Variants in DBH observed in about 807,000 individuals in gnomAD.
The protein encoded by DBH is dopamine beta-hydroxylase (dopamine beta-monooxygenase).
A neutral mutation model predicts 64.0 loss-of-function variants in DBH; 49 were observed. The ratio of observed to expected loss-of-function variants is 0.77; its 90% CI spans 0.61 to 0.97. The LOEUF (loss-of-function observed/expected upper bound fraction) is 0.97, where lower values mean the gene tolerates loss of function less well. Ranked by LOEUF, DBH falls within the 50% of genes least tolerant of loss-of-function variation. The probability of loss-of-function intolerance (pLI) is 0.00; values close to 1 mark genes in which losing one functional copy is unlikely to be tolerated. For synonymous variants in DBH, 343 were observed against 347.1 expected, an observed-to-expected ratio of 0.99 and a Z score of 0.13; for missense variants, 828 against 826.6, an observed-to-expected ratio of 1.00 and a Z score of -0.02.
At chr9:133,657,418 GAGAGAGGAGAGAGAGGA>G (rs1832340531) in intron 11 of DBH, 189 bp downstream of exon 11, 17 of 331,368 alleles carry the variant, frequency 5.1e-5, no homozygotes, top group African/African-American at 1.6e-4. Flanking sequence ...GGAGAGAGGA[GAGAGAGGAGAGAGAGGA>G]GAGAGAGGAG....
chr9:133,639,782 C>CTT, intron 1 of DBH, 64 bp from the exon 2 acceptor site: 1 of 1,545,214 alleles, frequency 6.5e-7, no homozygotes, highest in Non-Finnish European at 8.8e-7. Flanking sequence ...GGAATGCCCT[C>CTT]TTCCCCTGTG....
intron 5 of DBH, among the ~76,000 whole-genome samples, chr9:133,644,777 G>T (rs1832162040): frequency 6.6e-6 from 1 of 152,218 alleles, no homozygotes; most frequent in Non-Finnish European, 1.5e-5. Context: ...ACGGGAAGGG[G>T]AGCTGGGGCA....
At position 133,657,175 on chromosome 9, in the gene DBH, C is replaced by G. The variant is rs770808990; in HGVS notation, c.1668C>G (p.Tyr556Ter). Residue 556 changes from tyrosine to a stop codon, truncating the protein, a stop_gained, in exon 11 of 12, where the codon TAC becomes TAG. Transcript: ENST00000393056. LOFTEE classifies it high-confidence loss of function. ...ACCGCGACGTACTGAAGGCCCTGTA[C>G]AGCTTCGCGCCCATCTCCATGCACT... ...SFNRDVLKAL[Y>*]SFAPISMHCN... 6.2e-7 allele frequency: 1 copy of G among 1,614,164 alleles called. No individual in the cohort carries two copies. Among genetic ancestry groups the G allele is most frequent in the Admixed American group, 1.7e-5 (1 of 60,024 alleles).
chr9:133,636,466 T>C lies in DBH; in HGVS notation c.95T>C (p.Ile32Thr). The C allele has an allele frequency of 1.9e-6, 3 of 1,612,932 alleles. No homozygotes were observed. The highest frequency in any genetic ancestry group is 2.5e-6 in the Non-Finnish European group (3 of 1,179,722). Residue 32 changes from isoleucine to threonine, a missense_variant, in exon 1 of 12, where the codon ATC becomes ACC. Coordinates refer to ENST00000393056, the MANE Select transcript of DBH (RefSeq NM_000787.4). ...ACAGCAGTGGCCATCTTCCTGGTCA[T>C]CCTGGTGGCCGCACTGCAGGGCTCG... Reference protein sequence around the residue: ...YSTAVAIFLVILVAALQGSAP... With the variant: ...YSTAVAIFLVTLVAALQGSAP...
rs933056089 is a variant in DBH at position 133,643,731 on chromosome 9, C to A, written c.921+142C>A. The A allele has an allele frequency of 1.1e-6, 1 of 872,070 alleles. No homozygotes were observed. The highest frequency in any genetic ancestry group is 1.8e-6 in the Non-Finnish European group (1 of 570,410). The allele number at this position is 872,070 out of a possible 1,614,324, so 54.0% of individuals were successfully genotyped here. A position where few individuals can be genotyped will look rare whatever the true frequency, so the allele number is the denominator to read the frequency against. The stretch of plus-strand genomic sequence containing the variant: ...TCACGAGGCCACCAGAAGGGCCAGG[C>A]CTGAGGTGGCCCCCTCGCCTCTGTG... On this transcript the variant is annotated intron_variant, in intron 4 of 11. Coordinates refer to ENST00000393056, the MANE Select transcript of DBH (RefSeq NM_000787.4). The surrounding 1 kb of genome is among the most constrained non-coding windows in gnomAD (Gnocchi z 5.3).
intron 5 of DBH, among the ~76,000 whole-genome samples, chr9:133,646,614 C>T (rs1041741292): frequency 6.6e-6 from 1 of 152,198 alleles, no homozygotes; most frequent in Admixed American, 6.5e-5. Context: ...ACCTCCGCCT[C>T]CCAGGTTCAA....
At chr9:133,639,643 C>T (rs912261777) in intron 1 of DBH, among the ~76,000 whole-genome samples, 1 of 152,244 alleles carries the variant, frequency 6.6e-6, no homozygotes, top group African/African-American at 2.4e-5. Context: ...CTCATCTCCA[C>T]TGTCTCCAGG....
intron 11 of DBH, chr9:133,657,442 GGAGAGAGAGGAGAGAGGGAGAGGGA>G: frequency 2.0e-6 from 1 of 506,896 alleles, no homozygotes; most frequent in South Asian, 2.1e-5. Context: ...AGGAGAGAGA[GGAGAGAGAGGAGAGAGGGAGAGGGA>G]GAGAGGGAGA....
intron 2 of DBH, among the ~76,000 whole-genome samples, chr9:133,641,357 C>A (rs961162768): frequency 2.6e-5 from 4 of 152,126 alleles, no homozygotes; most frequent in Non-Finnish European, 4.4e-5. Context: ...GTGGACGAGG[C>A]AAGGGTGAGC....
Position 133,636,578 on chromosome 9 carries a change from G to C in DBH, c.207G>C (p.Gln69His). 6.2e-7 allele frequency: 1 copy of C among 1,613,728 alleles called. No individual in the cohort carries two copies. The highest frequency in any genetic ancestry group is 8.5e-7 in the Non-Finnish European group (1 of 1,180,016). Residue 69 changes from glutamine (Q) to histidine (H), a missense_variant, in exon 1 of 12, where the codon CAG (glutamine) becomes CAC (histidine). Gln to His is a conservative substitution (Grantham distance 24). Transcript: ENST00000393056. ...TCTCATGGAATGTCAGCTACACCCA[G>C]GAGGCCATCCATTTCCAGCTCCTGG... ...LELSWNVSYTQEAIHFQLLVR... is the reference protein window; with the variant it reads ...LELSWNVSYTHEAIHFQLLVR...
chr9:133,657,457 A>C (rs145403958), intron 11 of DBH: 1 of 286,356 alleles, frequency 3.5e-6, no homozygotes, highest in Non-Finnish European at 6.2e-6. Context: ...GAGAGGAGAG[A>C]GGGAGAGGGA....
Position 133,643,670 on chromosome 9 carries a change from G to A in DBH, c.921+81G>A, listed in dbSNP as rs369341047. ...ACACCTCTGTTTCCCCAGCTTCACC[G>A]TCTCAGAGGCTTCAAGAAGGGGCTC... On this transcript the variant is annotated intron_variant, in intron 4 of 11. Transcript: ENST00000393056. This position sits in a 1 kb window ranked among gnomAD's most constrained non-coding sequence, Gnocchi z 5.3. The A allele has an allele frequency of 4.2e-5, 64 of 1,530,546 alleles. No homozygotes were observed. The highest frequency in any genetic ancestry group is 3.2e-4 in the African/African-American group (23 of 72,952). The allele number at this position is 1,530,546 out of a possible 1,614,324, so 94.8% of individuals were successfully genotyped here.
chr9:133,651,381 C>T (rs965035846), intron 6 of DBH, among the ~76,000 whole-genome samples: 3 of 152,242 alleles, frequency 2.0e-5, no homozygotes, highest in Non-Finnish European at 4.4e-5. Context: ...ATGAAGGACT[C>T]GGAAAGAAAG....
chr9:133,657,406 GAGGAGAGAGGA>G (rs1375967395), intron 11 of DBH, 177 bp downstream of exon 11: 10 of 560,098 alleles, frequency 1.8e-5, no homozygotes, highest in East Asian at 1.0e-4. Flanking sequence ...AGCAGAGAGA[GAGGAGAGAGGA>G]GAGAGAGGAG....
chr9:133,641,704 G>T (rs1316047549), intron 2 of DBH, among the ~76,000 whole-genome samples: 1 of 152,192 alleles, frequency 6.6e-6, no homozygotes, highest in Non-Finnish European at 1.5e-5. Context: ...TGGCTGCTTG[G>T]TCCCCTCCTG....
intron 3 of DBH, 136 bp downstream of exon 3, chr9:133,642,600 T>C: frequency 9.0e-7 from 1 of 1,113,372 alleles, no homozygotes; most frequent in Non-Finnish European, 1.3e-6. Context: ...CTCAGGCACC[T>C]GCCTGAGCAG....
rs750802720 is a variant in DBH at position 133,657,197 on chromosome 9, C to T, written c.1690C>T (p.His564Tyr). The change falls in exon 11 of 12, where the codon CAC becomes TAC. Residue 564 changes from histidine to tyrosine, a missense_variant. By Grantham distance (83) the His-to-Tyr change is moderately conservative. Coordinates refer to ENST00000393056, the MANE Select transcript of DBH (RefSeq NM_000787.4). ...ALYSFAPISM[H>Y]CNKSSAVRFQ... ...GTACAGCTTCGCGCCCATCTCCATGCACTGCAACAAGTCCTCAGCCGTCCG... is the reference window on the plus strand; with the variant it reads ...GTACAGCTTCGCGCCCATCTCCATGTACTGCAACAAGTCCTCAGCCGTCCG... The T allele has an allele frequency of 3.5e-5, 57 of 1,614,008 alleles. No individual in the cohort carries two copies. The highest frequency in any genetic ancestry group is 3.3e-4 in the Middle Eastern group (2 of 6,084).
At chr9:133,638,471 G>C (rs929108449) in intron 1 of DBH, among the ~76,000 whole-genome samples, 4 of 152,204 alleles carry the variant, frequency 2.6e-5, no homozygotes, top group African/African-American at 9.7e-5. Flanking sequence ...AGGCTTTCTT[G>C]GGGTTTCCAT....
At chr9:133,650,530 C>T (rs1588351886) in intron 6 of DBH, among the ~76,000 whole-genome samples, 1 of 118,334 alleles carries the variant, frequency 8.5e-6, no homozygotes, top group Admixed American at 8.8e-5. Flanking sequence ...CCTTCCTTCT[C>T]TTTTCTTTCT....
Sources: gnomAD v4.1 joint callset for allele counts (sites outside exome capture counted in the v4.1 genomes callset) on GRCh38, gnomAD v4.1.1 for gene constraint, Gnocchi (gnomAD v3.1) non-coding constraint, MANE v1.5 for transcripts, NCBI Gene and HGNC (gene_info 2026-07-23, HGNC 2026-07-21) for gene names.